Variants in SLC3A2 observed in about 807,000 individuals in gnomAD.
SLC3A2 encodes the protein amino acid transporter heavy chain SLC3A2.
SLC3A2 carries 32 observed loss-of-function variants against 48.5 expected under a neutral mutation model. The observed-to-expected ratio is 0.66, with a 90% confidence interval of 0.50 to 0.89. SLC3A2 has a LOEUF of 0.89. Among genes scored for constraint, SLC3A2 ranks in the 40% least tolerant of loss-of-function variants. SLC3A2 has a pLI of 0.00. For missense variants in SLC3A2, 587 were observed against 680.7 expected, an observed-to-expected ratio of 0.86 and a Z score of 1.53; for synonymous variants, 277 against 288.8, an observed-to-expected ratio of 0.96 and a Z score of 0.41.
upstream of SLC3A2, chr11:62,880,579 A>G (rs1403311895): frequency 1.3e-5 from 2 of 156,874 alleles, no homozygotes; most frequent in Non-Finnish European, 1.4e-5. Flanking sequence ...CCGGAATGGA[A>G]GAAGAGGGGC....
At chr11:62,859,498 A>G (rs1019405042) in intron 1 of SLC3A2, among the ~76,000 whole-genome samples, 1 of 152,148 alleles carries the variant, frequency 6.6e-6, no homozygotes, top group East Asian at 1.9e-4. Context: ...CATGGCCAAC[A>G]TGGTGAAAAC....
chr11:62,888,662 GGCT>G lies in SLC3A2; in HGVS notation c.1566_1568del (p.Leu523del). ...CGCCTGAAACTGGAGCCTCACGAAG[GGCT>G]GCTGCTCCGCTTCCCCTACGCGGCC... is the stretch of plus-strand genomic sequence containing the variant. On this transcript the variant is annotated inframe_deletion, in exon 9 of 9. Coordinates refer to ENST00000338663, the MANE Select transcript of SLC3A2 (RefSeq NM_001013251.3). 1 of 1,602,174 alleles carries G rather than the reference GGCT, an allele frequency of 6.2e-7. No homozygotes were observed. Among genetic ancestry groups the G allele is most frequent in the Non-Finnish European group, 8.5e-7 (1 of 1,179,018 alleles).
At chr11:62,856,343 A>C (rs758099329) in exon 1 of SLC3A2, 19 of 1,613,034 alleles carry the variant, frequency 1.2e-5, no homozygotes, top group Non-Finnish European at 1.5e-5. Flanking sequence ...TCACATTCGG[A>C]GGCTGGTGTC....
chr11:62,885,758 A>G, intron 7 of SLC3A2, 150 bp downstream of exon 7: 1 of 837,054 alleles, frequency 1.2e-6, no homozygotes, highest in Admixed American at 2.4e-5. Context: ...CTTTGGGCAA[A>G]TTATTTTACC....
In SLC3A2 at chr11:62,885,572, T is replaced by C. The variant is rs1201049479; in HGVS notation, c.1107T>C (p.Asp369=). 6.2e-7 allele frequency: 1 copy of C among 1,612,056 alleles called. No homozygotes were observed. ...GGACCCCTGTTTTCAGCTACGGGGA[T>C]GAGATTGGCCTGGATGCAGCTGCCC... ...LPGTPVFSYG[D]EIGLDAAALP... is the part of the protein sequence containing the mutation. The change falls in exon 7 of 9, where the codon GAT becomes GAC. Residue 369 remains aspartate (D), a synonymous_variant. Coordinates refer to ENST00000338663, the MANE Select transcript of SLC3A2 (RefSeq NM_001013251.3).
chr11:62,864,296 T>C (rs962964437), intron 1 of SLC3A2, among the ~76,000 whole-genome samples: 3 of 144,688 alleles, frequency 2.1e-5, no homozygotes, highest in African/African-American at 4.9e-5. Context: ...ATCAATCCTG[T>C]TAAATACTTG....
chr11:62,873,504 T>A (rs956257880), intron 1 of SLC3A2, among the ~76,000 whole-genome samples: 3 of 150,754 alleles, frequency 2.0e-5, no homozygotes, highest in Non-Finnish European at 3.0e-5. Flanking sequence ...AAAAAAAAAA[T>A]TTTGTACAGA....
At chr11:62,857,665 C>T (rs555407554) in intron 1 of SLC3A2, among the ~76,000 whole-genome samples, 16 of 133,968 alleles carry the variant, frequency 1.2e-4, no homozygotes, top group Non-Finnish European at 2.0e-4. Flanking sequence ...CACTGCACTC[C>T]AGCCTGGATG....
At chr11:62,878,868 G>A (rs541425336), upstream of SLC3A2, among the ~76,000 whole-genome samples, 6 of 151,684 alleles carry the variant, frequency 4.0e-5, no homozygotes, top group East Asian at 3.9e-4. Flanking sequence ...TCTGCCTCTC[G>A]GGTTCAAGCG....
intron 2 of SLC3A2, 90 bp downstream of exon 2, chr11:62,882,156 C>G: frequency 6.7e-7 from 1 of 1,490,052 alleles, no homozygotes; most frequent in South Asian, 1.2e-5. Context: ...TTCCTGCTAA[C>G]TGGCTCTGAG....
chr11:62,858,935 C>G (rs1389528771), intron 1 of SLC3A2, among the ~76,000 whole-genome samples: 1 of 152,190 alleles, frequency 6.6e-6, no homozygotes, highest in African/African-American at 2.4e-5. Flanking sequence ...GTAGATGGAA[C>G]GTACAATCGG....
At chr11:62,880,815 A>T (rs1477650367), upstream of SLC3A2, 3 of 1,069,772 alleles carry the variant, frequency 2.8e-6, no homozygotes, top group Non-Finnish European at 3.8e-6. Flanking sequence ...CGGCTGGGGC[A>T]GTCCCCGAGG....
intron 1 of SLC3A2, among the ~76,000 whole-genome samples, chr11:62,872,625 G>A (rs1310572630): frequency 3.9e-5 from 6 of 152,126 alleles, no homozygotes; most frequent in African/African-American, 7.2e-5. Flanking sequence ...TCTTTGAGAC[G>A]GAGTTTCACT....
At chr11:62,867,381 A>C (rs1353781899) in intron 1 of SLC3A2, among the ~76,000 whole-genome samples, 1 of 123,470 alleles carries the variant, frequency 8.1e-6, no homozygotes, top group Non-Finnish European at 1.6e-5. Context: ...GCTGGAGTGC[A>C]GTGGCCCGAC....
chr11:62,856,411 A>T, intron 1 of SLC3A2: 1 of 1,575,362 alleles, frequency 6.3e-7, no homozygotes, highest in East Asian at 2.3e-5. Context: ...GCTCGGGAGG[A>T]GGTCCCCTTT....
At chr11:62,883,235 C>T (rs938364247) in intron 3 of SLC3A2, 2 of 486,146 alleles carry the variant, frequency 4.1e-6, no homozygotes, top group Non-Finnish European at 7.5e-6. Context: ...TGAGACAGTG[C>T]CAGGAAGGGA....
chr11:62,883,967 A>G (rs2135014507), intron 3 of SLC3A2: 1 of 456,410 alleles, frequency 2.2e-6, no homozygotes, highest in East Asian at 6.9e-5. Context: ...CTGAGCAGTT[A>G]TTGTACTCAC....
In SLC3A2 at chr11:62,888,314, G is replaced by A; in HGVS notation, c.1228-17G>A. 1 of 1,612,388 alleles carries A rather than the reference G, an allele frequency of 6.2e-7. No individual in the cohort carries two copies. Among genetic ancestry groups the A allele is most frequent in the Non-Finnish European group, 8.5e-7 (1 of 1,178,840 alleles). On this transcript the variant is annotated splice_polypyrimidine_tract_variant and intron_variant, in intron 8 of 8. Coordinates refer to ENST00000338663, the MANE Select transcript of SLC3A2 (RefSeq NM_001013251.3). Reference sequence around the variant, plus strand: ...GGAGCCCCTCACACGCTTCTGCTATGTTTTTATCATTCTTAGGGCCAGAGT... The same window carrying A: ...GGAGCCCCTCACACGCTTCTGCTATATTTTTATCATTCTTAGGGCCAGAGT...
In SLC3A2 at chr11:62,882,946, G is replaced by C. The variant is rs144350815; in HGVS notation, c.637G>C (p.Gly213Arg). 3 of 1,614,028 alleles carry C rather than the reference G, an allele frequency of 1.9e-6. No individual in the cohort carries two copies. Among genetic ancestry groups the C allele is most frequent in the Non-Finnish European group, 2.5e-6 (3 of 1,180,026 alleles). ...TCTGGACCTTACTCCCAACTACCGG[G>C]GTGAGAACTCGTGGTTCTCCACTCA... ...VILDLTPNYRGENSWFSTQVD... is the reference protein window; with the variant it reads ...VILDLTPNYRRENSWFSTQVD... Residue 213 changes from glycine (G) to arginine (R), a missense_variant, in exon 3 of 9, where the codon GGT (glycine) becomes CGT (arginine). By Grantham distance (125) the Gly-to-Arg change is moderately radical (BLOSUM62 -2). Coordinates refer to ENST00000338663, the MANE Select transcript of SLC3A2 (RefSeq NM_001013251.3).
Sources: gnomAD v4.1 joint callset for allele counts (sites outside exome capture counted in the v4.1 genomes callset) on GRCh38, gnomAD v4.1.1 for gene constraint, MANE v1.5 for transcripts, NCBI Gene and HGNC (gene_info 2026-07-23, HGNC 2026-07-21) for gene names.